CHRNB1: variants seen among roughly 807,000 people sequenced by gnomAD.
CHRNB1 encodes acetylcholine receptor subunit beta.
In CHRNB1, 47 loss-of-function variants were observed where a neutral mutation model predicts 53.8. The observed-to-expected ratio is 0.87, with a 90% confidence interval of 0.69 to 1.11. The LOEUF is 1.11. Among genes scored for constraint, CHRNB1 ranks in the 50% most tolerant of loss-of-function variants. The probability of loss-of-function intolerance (pLI) is 0.00; values close to 1 mark genes in which losing one functional copy is unlikely to be tolerated. For synonymous variants in CHRNB1, 259 were observed against 263.5 expected (o/e 0.98, Z 0.16); for missense variants, 605 against 654.9 (o/e 0.92, Z 0.83).
rs373113637 is a variant in CHRNB1 at position 7,448,908 on chromosome 17, C to G, written c.820+120C>G. On this transcript the variant is annotated intron_variant, in intron 7 of 10. Coordinates refer to ENST00000306071, the MANE Select transcript of CHRNB1 (RefSeq NM_000747.3). ...CATCATAGATTGGGCTTCAGCAATC[C>G]CGCCCAGGCTCTGCCTCCCGTTGAC... is the stretch of plus-strand genomic sequence containing the variant. 1.0e-4 allele frequency: 108 copies of G among 1,068,770 alleles called. 1 individual carries two copies. In the East Asian group the frequency reaches 1.4e-3, roughly 14 times the overall value. The allele number at this position is 1,068,770 out of a possible 1,614,324, so 66.2% of individuals were successfully genotyped here.
At chr17:7,451,467 G>T (rs886375536) in intron 7 of CHRNB1, among the ~76,000 whole-genome samples, 6 of 151,866 alleles carry the variant, frequency 4.0e-5, no homozygotes, top group African/African-American at 1.5e-4. Flanking sequence ...TTTTAGTAGA[G>T]ATGGGATTTC....
intron 2 of CHRNB1, 34 bp from the exon 3 acceptor site, chr17:7,446,035 C>A: frequency 6.2e-7 from 1 of 1,609,004 alleles, no homozygotes; most frequent in Non-Finnish European, 8.5e-7. Flanking sequence ...CTCCACCCTA[C>A]TTCACCTTTA....
chr17:7,456,528 G>C, intron 10 of CHRNB1, 55 bp from the exon 11 acceptor site: 1 of 1,610,638 alleles, frequency 6.2e-7, no homozygotes, highest in South Asian at 1.1e-5. Flanking sequence ...AAATGGGGGG[G>C]TTTCCCTGGG....
chr17:7,456,943 G>T lies in CHRNB1; in HGVS notation c.*220G>T. 1.7e-6 allele frequency: 1 copy of T among 594,896 alleles called. No homozygotes were observed. Among genetic ancestry groups the T allele is most frequent in the Non-Finnish European group, 3.0e-6 (1 of 338,074 alleles). 36.9% of individuals were successfully genotyped at this position (594,896 alleles called of 1,614,324 possible). A position where few individuals can be genotyped will look rare whatever the true frequency, so the allele number is the denominator to read the frequency against. ...ATTTACTCTTTGGGATCTTGAAGAA[G>T]CTCTTTTGGGTATCAACACCTAGGT... On this transcript the variant is annotated 3_prime_UTR_variant, in exon 11 of 11. Coordinates refer to ENST00000306071, the MANE Select transcript of CHRNB1 (RefSeq NM_000747.3).
chr17:7,452,285 T>C (rs544125522), intron 7 of CHRNB1, among the ~76,000 whole-genome samples: 6 of 152,134 alleles, frequency 3.9e-5, no homozygotes, highest in Non-Finnish European at 7.3e-5. Context: ...CTCGAACTTC[T>C]GACCTCAGGT....
chr17:7,451,264 CTTTTCTTTTCTTTTTTTTT>C (rs1260648803), intron 7 of CHRNB1, among the ~76,000 whole-genome samples: 1 of 129,546 alleles, frequency 7.7e-6, no homozygotes, highest in Non-Finnish European at 1.6e-5. Flanking sequence ...CTTTTCTTTT[CTTTTCTTTTCTTTTTTTTT>C]TTTTTTTTTT....
In CHRNB1 at chr17:7,446,129, G is replaced by T. The variant is rs1434861499; in HGVS notation, c.243+16G>T. ...CTTAGACCTGGTATGGAGACCCCAC[G>T]GGGTGGGAAAGGGCTTCCCTCTGCC... On this transcript the variant is annotated intron_variant, in intron 3 of 10. Coordinates refer to ENST00000306071, the MANE Select transcript of CHRNB1 (RefSeq NM_000747.3). The T allele has an allele frequency of 1.2e-6, 2 of 1,611,422 alleles. No individual in the cohort carries two copies. The highest frequency in any genetic ancestry group is 8.5e-7 in the Non-Finnish European group (1 of 1,177,604).
intron 7 of CHRNB1, among the ~76,000 whole-genome samples, 172 bp from the exon 8 acceptor site, chr17:7,454,125 C>A (rs1908985469): frequency 6.6e-6 from 1 of 152,104 alleles, no homozygotes; most frequent in Non-Finnish European, 1.5e-5. Flanking sequence ...CTCCTGGGCT[C>A]AAGCAATCCT....
chr17:7,448,343 G>T (rs910856327), intron 6 of CHRNB1, among the ~76,000 whole-genome samples: 3 of 152,058 alleles, frequency 2.0e-5, no homozygotes. Flanking sequence ...CCGAGATCAC[G>T]CCACTGCACT....
rs553745903 is a variant in CHRNB1, at chr17:7,446,990, CG to C, written c.354-47del. 1,933 of 733,156 alleles carry C rather than the reference CG, an allele frequency of 2.6e-3. 5 individuals are homozygous for C. Among genetic ancestry groups the C allele is most frequent in the Non-Finnish European group, 4.1e-3 (1,787 of 440,840 alleles). The allele number at this position is 733,156 out of a possible 1,614,324, so 45.4% of individuals were successfully genotyped here. ...GGAGGTGGCGCGGGGCCTCGGGGGGCGGGGGGCCTCCGGGCGCGGGGCCTGA... is the reference window on the plus strand; with the variant it reads ...GGAGGTGGCGCGGGGCCTCGGGGGGCGGGGGCCTCCGGGCGCGGGGCCTGA... On this transcript the variant is annotated intron_variant, in intron 4 of 10. Coordinates refer to ENST00000306071, the MANE Select transcript of CHRNB1 (RefSeq NM_000747.3).
Position 7,455,449 on chromosome 17 carries a change from C to A in CHRNB1, c.1210C>A (p.Pro404Thr). Residue 404 changes from proline (P) to threonine (T), a missense_variant, in exon 9 of 11, where the codon CCC becomes ACC. Physicochemically the swap from Pro to Thr is conservative, Grantham distance 38. Transcript: ENST00000306071. ...GCCAAGTGATTTTCTCTTCCCCAAA[C>A]CCAATAGGTAGGACTACGCCCGTTA... Reference protein sequence around the residue: ...KPPSDFLFPKPNRFQPELSAP... With the variant: ...KPPSDFLFPKTNRFQPELSAP... 1 of 1,614,016 alleles carries A rather than the reference C, an allele frequency of 6.2e-7. No homozygotes were observed. Among genetic ancestry groups the A allele is most frequent in the Non-Finnish European group, 8.5e-7 (1 of 1,179,984 alleles).
intron 6 of CHRNB1, 91 bp from the exon 7 acceptor site, chr17:7,448,474 ATCAAGTCAGCCCTC>A: frequency 9.5e-7 from 1 of 1,056,302 alleles, no homozygotes; most frequent in South Asian, 1.3e-5. Context: ...AGCTAGTTTC[ATCAAGTCAGCCCTC>A]TCAGGTCTAG....
In CHRNB1 at chr17:7,446,877, C is replaced by A. The variant is rs1432288070; in HGVS notation, c.288C>A (p.Asp96Glu). Residue 96 changes from aspartate to glutamate, a missense_variant, in exon 4 of 11, where the codon GAC becomes GAA. Transcript: ENST00000306071. The part of the protein sequence containing the change: ...YRLSWDPAEH[D>E]GIDSLRITAE... ...TGAGCTGGGACCCTGCGGAGCACGA[C>A]GGCATCGATTCGCTCCGCATCACGG... The A allele has an allele frequency of 6.2e-7, 1 of 1,613,996 alleles. No homozygotes were observed. Among genetic ancestry groups the A allele is most frequent in the Non-Finnish European group, 8.5e-7 (1 of 1,180,018 alleles).
chr17:7,455,913 A>C lies in CHRNB1; in HGVS notation c.1337A>C (p.Gln446Pro). Reference sequence around the variant, plus strand: ...TCCTCTATCAGCTACATCGCTCGACAGCTGCAGGAACAGGAGGACCACGAT... The same window carrying C: ...TCCTCTATCAGCTACATCGCTCGACCGCTGCAGGAACAGGAGGACCACGAT... ...VVSSISYIAR[Q>P]LQEQEDHDAL... The change falls in exon 10 of 11, where the codon CAG (glutamine) becomes CCG (proline). Residue 446 changes from glutamine to proline, a missense_variant. Gln to Pro is a moderately conservative substitution (Grantham distance 76). Transcript: ENST00000306071. 1 of 1,614,128 alleles carries C rather than the reference A, an allele frequency of 6.2e-7. No homozygotes were observed. Among genetic ancestry groups the C allele is most frequent in the African/African-American group, 1.3e-5 (1 of 75,006 alleles).
In CHRNB1 at chr17:7,456,610, A is replaced by G. The variant is rs1429690968; in HGVS notation, c.1393A>G (p.Met465Val). The G allele has an allele frequency of 6.2e-7, 1 of 1,613,992 alleles. No homozygotes were observed. Among genetic ancestry groups the G allele is most frequent in the African/African-American group, 1.3e-5 (1 of 74,868 alleles). Residue 465 changes from methionine (M) to valine (V), a missense_variant, in exon 11 of 11, where the codon ATG becomes GTG. By Grantham distance (21) the Met-to-Val change is conservative (BLOSUM62 1). Transcript: ENST00000306071. Reference sequence around the variant, plus strand: ...GAAGGAGGACTGGCAGTTTGTGGCCATGGTAGTGGACCGCCTCTTCCTGTG... The same window carrying G: ...GAAGGAGGACTGGCAGTTTGTGGCCGTGGTAGTGGACCGCCTCTTCCTGTG... ...ALKEDWQFVA[M>V]VVDRLFLWTF... is the part of the protein sequence containing the mutation.
rs1379766462 is a variant in CHRNB1, at chr17:7,445,401, A to G, written c.190A>G (p.Ile64Val). ...VSVGLILAQL[I>V]SLNEKDEEMS... ...CGTTGGTCTCATCCTGGCGCAACTCATCAGCCTGGTGAGGGCGCGCGGGGG... is the reference window on the plus strand; with the variant it reads ...CGTTGGTCTCATCCTGGCGCAACTCGTCAGCCTGGTGAGGGCGCGCGGGGG... The change falls in exon 2 of 11, where the codon ATC becomes GTC. Residue 64 changes from isoleucine (I) to valine (V), a missense_variant. By Grantham distance (29) the Ile-to-Val change is conservative. Coordinates refer to ENST00000306071, the MANE Select transcript of CHRNB1 (RefSeq NM_000747.3). The surrounding 1 kb of genome is among the most constrained non-coding windows in gnomAD (Gnocchi z 5.7). 3 of 1,611,126 alleles carry G rather than the reference A, an allele frequency of 1.9e-6. No homozygotes were observed. In the African/African-American group the frequency reaches 4.0e-5, roughly 22 times the overall value.
Position 7,445,995 on chromosome 17 carries a change from G to A in CHRNB1, c.199-74G>A, listed in dbSNP as rs1908591828. 1 of 1,324,570 alleles carries A rather than the reference G, an allele frequency of 7.5e-7. No individual in the cohort carries two copies. The allele number at this position is 1,324,570 out of a possible 1,614,324, so 82.1% of individuals were successfully genotyped here. A position where few individuals can be genotyped will look rare whatever the true frequency, so the allele number is the denominator to read the frequency against. On this transcript the variant is annotated intron_variant, in intron 2 of 10. Transcript: ENST00000306071. The surrounding 1 kb of genome is among the most constrained non-coding windows in gnomAD (Gnocchi z 5.7). ...AAAAGGGGGCGGCGTTCCCAGGAGAGAGGTTGGCCCCCCGAGCCCCCTCAT... is the reference window on the plus strand; with the variant it reads ...AAAAGGGGGCGGCGTTCCCAGGAGAAAGGTTGGCCCCCCGAGCCCCCTCAT...
chr17:7,450,682 G>C (rs1908852855), intron 7 of CHRNB1, among the ~76,000 whole-genome samples: 1 of 152,328 alleles, frequency 6.6e-6, no homozygotes, highest in East Asian at 1.9e-4. Flanking sequence ...CAACAATCCT[G>C]TGAGGTAAGT....
intron 5 of CHRNB1, 117 bp downstream of exon 5, chr17:7,447,268 T>C (rs550079384): frequency 4.0e-5 from 39 of 967,966 alleles, no homozygotes; most frequent in Non-Finnish European, 4.8e-5. Flanking sequence ...CTAATCCCCA[T>C]GACCCTCACC....
Sources: allele counts gnomAD v4.1 joint callset (sites outside exome capture counted in the v4.1 genomes callset), GRCh38; gene constraint gnomAD v4.1.1; non-coding constraint Gnocchi (gnomAD v3.1); transcripts MANE v1.5; gene names NCBI Gene and HGNC (gene_info 2026-07-23, HGNC 2026-07-21).